Variants in CFAP20DC observed in about 807,000 individuals in gnomAD.
CFAP20DC encodes protein CFAP20DC.
CFAP20DC carries 84 observed loss-of-function variants against 101.7 expected under a neutral mutation model. The ratio of observed to expected loss-of-function variants is 0.83; its 90% CI spans 0.69 to 0.99. The LOEUF (loss-of-function observed/expected upper bound fraction) is 0.99. CFAP20DC is among the 50% of genes least tolerant of loss of function. The pLI is 0.00. For missense variants in CFAP20DC, 1,007 were observed against 970.3 expected, an observed-to-expected ratio of 1.04 and a Z score of -0.50; for synonymous variants, 359 against 351.2, an observed-to-expected ratio of 1.02 and a Z score of -0.25.
intron 3 of CFAP20DC, among the ~76,000 whole-genome samples, chr3:59,043,447 C>A (rs1023716242): frequency 1.3e-5 from 2 of 151,836 alleles, no homozygotes; most frequent in Non-Finnish European, 2.9e-5. Flanking sequence ...AAAATAGAGG[C>A]AGATCAAAGC....
intron 7 of CFAP20DC, among the ~76,000 whole-genome samples, chr3:58,878,499 G>A (rs1251215186): frequency 6.6e-6 from 1 of 151,972 alleles, no homozygotes; most frequent in Non-Finnish European, 1.5e-5. Context: ...TACTCTTAAT[G>A]AGCAAAGAAA....
chr3:58,922,570 T>C (rs1038822607), intron 5 of CFAP20DC, among the ~76,000 whole-genome samples: 6 of 152,130 alleles, frequency 3.9e-5, no homozygotes, highest in African/African-American at 1.4e-4. Flanking sequence ...CCTCTTTCTT[T>C]CTCTGTCTCC....
rs536696688 is a variant in CFAP20DC, at chr3:58,861,579, A to T, written c.1593+1979T>A. 3.0e-6 allele frequency: 3 copies of T among 985,078 alleles called. No homozygotes were observed. The highest frequency in any genetic ancestry group is 4.7e-5 in the South Asian group (1 of 21,292). 61.0% of individuals were successfully genotyped at this position (985,078 alleles called of 1,614,324 possible). A position where few individuals can be genotyped will look rare whatever the true frequency, so the allele number is the denominator to read the frequency against. ...TTTTGTTAAGAAGGTATCATTACAC[A>T]TGCTAAAACTTGTTTAAATATAGCC... On this transcript the variant is annotated intron_variant, in intron 12 of 16. Transcript: ENST00000482387. This position sits in a 1 kb window ranked among gnomAD's most constrained non-coding sequence, Gnocchi z 4.0.
chr3:59,012,829 G>C (rs535361674), intron 4 of CFAP20DC, among the ~76,000 whole-genome samples: 3 of 152,160 alleles, frequency 2.0e-5, no homozygotes. Flanking sequence ...TTTCCTTGCA[G>C]TTGCGATTGT....
In CFAP20DC at chr3:58,732,980, T is replaced by C. The variant is rs2067674392; in HGVS notation, c.198-15352A>G. ...TCTTAACATAATCTTATCCAATCAT[T>C]AGAAAAACCTCATTAATTTTGTCTA... On this transcript the variant is annotated intron_variant, in intron 3 of 3. Transcript: ENST00000486145. The surrounding 1 kb of genome is among the most constrained non-coding windows in gnomAD (Gnocchi z 5.4). Among the ~76,000 whole-genome samples the C allele has an allele frequency of 6.6e-6, 1 of 152,192 alleles. No homozygotes were observed. The highest frequency in any genetic ancestry group is 1.5e-5 in the Non-Finnish European group (1 of 68,038).
intron 12 of CFAP20DC, among the ~76,000 whole-genome samples, chr3:58,853,687 A>T (rs2078473225): frequency 6.6e-6 from 1 of 152,192 alleles, no homozygotes; most frequent in South Asian, 2.1e-4. Flanking sequence ...AATATACACA[A>T]ATCAATAAAT....
chr3:58,995,136 C>T (rs1453746365), intron 4 of CFAP20DC, among the ~76,000 whole-genome samples: 2 of 152,132 alleles, frequency 1.3e-5, no homozygotes, highest in African/African-American at 4.8e-5. Flanking sequence ...GGGTTACCAC[C>T]TTCGCTGTAC....
chr3:59,002,797 AAGAACTAGTATTTGCCT>A lies in CFAP20DC; in HGVS notation c.278+36743_278+36759del, dbSNP rs1436037637. Among the ~76,000 whole-genome samples, 1 of 152,222 alleles carries A rather than the reference AAGAACTAGTATTTGCCT, an allele frequency of 6.6e-6. No homozygotes were observed. Among genetic ancestry groups the A allele is most frequent in the Non-Finnish European group, 1.5e-5 (1 of 68,032 alleles). ...AGAGCATTTGTGACCTTCTTTTAACAAGAACTAGTATTTGCCTAGTTTGAAAAGCACTTCTTATCATC... is the reference window on the plus strand; with the variant it reads ...AGAGCATTTGTGACCTTCTTTTAACAAGTTTGAAAAGCACTTCTTATCATC... On this transcript the variant is annotated intron_variant, in intron 4 of 16. Transcript: ENST00000482387. This position sits in a 1 kb window ranked among gnomAD's most constrained non-coding sequence, Gnocchi z 4.5.
intron 16 of CFAP20DC, among the ~76,000 whole-genome samples, chr3:58,743,853 G>A (rs1440414353): frequency 1.3e-5 from 2 of 152,114 alleles, no homozygotes; most frequent in Admixed American, 6.5e-5. Context: ...TGAAGTGGGG[G>A]TTTAAAACTG....
At chr3:58,909,890 C>T (rs2083972118) in intron 6 of CFAP20DC, among the ~76,000 whole-genome samples, 1 of 152,088 alleles carries the variant, frequency 6.6e-6, no homozygotes, top group Non-Finnish European at 1.5e-5. Context: ...CTCTTGTTCC[C>T]TACTCCCCAA....
chr3:58,883,954 C>T (rs547246341), intron 7 of CFAP20DC, among the ~76,000 whole-genome samples: 24 of 152,180 alleles, frequency 1.6e-4, no homozygotes, highest in Non-Finnish European at 2.8e-4. Flanking sequence ...AGGTAGAACA[C>T]TGGCAGCCCT....
Position 58,863,888 on chromosome 3 carries a change from C to G in CFAP20DC, c.1263G>C (p.Glu421Asp), listed in dbSNP as rs112867020. The G allele has an allele frequency of 5.0e-6, 8 of 1,609,188 alleles. No homozygotes were observed. Among genetic ancestry groups the G allele is most frequent in the Non-Finnish European group, 6.8e-6 (8 of 1,176,888 alleles). The change falls in exon 12 of 17, where the codon GAG becomes GAC. Residue 421 changes from glutamate (E) to aspartate (D), a missense_variant. By Grantham distance (45) the Glu-to-Asp change is conservative. Coordinates refer to ENST00000482387, the MANE Select transcript of CFAP20DC (RefSeq NM_001394063.1). This position sits in a 1 kb window ranked among gnomAD's most constrained non-coding sequence, Gnocchi z 5.9. Reference sequence around the variant, plus strand: ...GATCAGCATTTTCAGGAAAAATCCACTCATCTGACAGTTGGAAAAGATGAC... The same window carrying G: ...GATCAGCATTTTCAGGAAAAATCCAGTCATCTGACAGTTGGAAAAGATGAC... ...LGPQSPDQSD[E>D]WIFPENADHI...
chr3:58,791,303 G>T (rs1575650072), intron 15 of CFAP20DC, among the ~76,000 whole-genome samples: 1 of 152,084 alleles, frequency 6.6e-6, no homozygotes, highest in Non-Finnish European at 1.5e-5. Flanking sequence ...TGCAAAACAT[G>T]TTATGAGTAT....
chr3:58,850,435 A>C (rs2078118450), intron 12 of CFAP20DC, among the ~76,000 whole-genome samples: 1 of 152,026 alleles, frequency 6.6e-6, no homozygotes, highest in South Asian at 2.1e-4. Flanking sequence ...GAAAAAATAC[A>C]AAATTATCTG....
intron 4 of CFAP20DC, among the ~76,000 whole-genome samples, chr3:59,038,774 A>G: frequency 6.6e-6 from 1 of 152,172 alleles, no homozygotes; most frequent in South Asian, 2.1e-4. Flanking sequence ...TCACTGAAAA[A>G]AAATCATCTT....
chr3:58,808,321 C>A (rs952977731), intron 14 of CFAP20DC, among the ~76,000 whole-genome samples: 1 of 152,144 alleles, frequency 6.6e-6, no homozygotes, highest in Non-Finnish European at 1.5e-5. Flanking sequence ...AGAGAAAGGT[C>A]GGGGTACCCA....
intron 14 of CFAP20DC, among the ~76,000 whole-genome samples, chr3:58,822,858 C>G (rs2075782182): frequency 1.3e-5 from 2 of 152,084 alleles, no homozygotes; most frequent in Admixed American, 1.3e-4. Flanking sequence ...TAAAACATAG[C>G]TAGGATTTTC....
intron 13 of CFAP20DC, among the ~76,000 whole-genome samples, chr3:58,842,277 C>T (rs1289281973): frequency 6.6e-6 from 1 of 152,140 alleles, no homozygotes; most frequent in South Asian, 2.1e-4. Flanking sequence ...CTAGGGAGTG[C>T]CAGACAGTGG....
Position 58,731,733 on chromosome 3 carries a change from G to A in CFAP20DC, c.198-14105C>T, listed in dbSNP as rs766828079. On this transcript the variant is annotated intron_variant, in intron 3 of 3. Coordinates refer to the CFAP20DC transcript ENST00000486145. ...AAATATAGATTCTTTTTAAGTATGCGGTACAGCAGATAAACAGAACAAAAT... is the reference window on the plus strand; with the variant it reads ...AAATATAGATTCTTTTTAAGTATGCAGTACAGCAGATAAACAGAACAAAAT... Among the ~76,000 whole-genome samples the A allele has an allele frequency of 6.6e-5, 10 of 152,134 alleles. No homozygotes were observed. The South Asian group carries it at 1.0e-3, about 16-fold the overall frequency.
Sources: gnomAD v4.1 joint callset for allele counts (sites outside exome capture counted in the v4.1 genomes callset) on GRCh38, gnomAD v4.1.1 for gene constraint, Gnocchi (gnomAD v3.1) non-coding constraint, MANE v1.5 for transcripts, NCBI Gene and HGNC (gene_info 2026-07-23, HGNC 2026-07-21) for gene names.